Variants in NBEA observed in about 807,000 individuals in gnomAD.
NBEA encodes the protein lysosomal-trafficking regulator 2.
In NBEA, 44 loss-of-function variants were observed where a neutral mutation model predicts 343.4. That is an observed-to-expected ratio of 0.13 (90% CI 0.10 to 0.16). NBEA has a LOEUF of 0.16. NBEA is among the 10% of genes least tolerant of loss of function. NBEA has a pLI of 1.00. For missense variants in NBEA, 2,555 were observed against 3,631.3 expected (o/e 0.70, Z 7.62); for synonymous variants, 1,175 against 1,238.7 (o/e 0.95, Z 1.08).
At chr13:34,949,991 T>C (rs996637143) in intron 1 of NBEA, among the ~76,000 whole-genome samples, 1 of 152,164 alleles carries the variant, frequency 6.6e-6, no homozygotes, top group South Asian at 2.1e-4. Flanking sequence ...AGGACTCTAA[T>C]GTTATAGATT....
chr13:35,070,809 G>A lies in NBEA; in HGVS notation c.1528G>A (p.Asp510Asn), dbSNP rs776917463. The change falls in exon 10 of 59, where the codon GAT becomes AAT. Residue 510 changes from aspartate to asparagine, a missense_variant. Asp to Asn is a conservative substitution (Grantham distance 23). Around this residue, in one of 21 missense-constraint regions of NBEA, gnomAD observed 360 missense variants for 519.1 expected, o/e 0.69. Coordinates refer to ENST00000379939, the MANE Select transcript of NBEA (RefSeq NM_001385012.1). ...GCTTTTTCCACTTTTTGCCCAATTG[G>A]ATAATAGGCAGCTCAATGACAGTCA... ...QVLFPLFAQL[D>N]NRQLNDSQVE... 2.3e-5 allele frequency: 37 copies of A among 1,610,200 alleles called. No homozygotes were observed. Among genetic ancestry groups the A allele is most frequent in the Non-Finnish European group, 3.1e-5 (37 of 1,178,820 alleles).
intron 36 of NBEA, among the ~76,000 whole-genome samples, chr13:35,319,357 T>G (rs960556088): frequency 2.6e-5 from 4 of 152,130 alleles, no homozygotes; most frequent in African/African-American, 9.7e-5. Flanking sequence ...GTTATTTACC[T>G]GGTAGTCATT....
At chr13:35,522,991 A>C (rs186634153) in intron 41 of NBEA, among the ~76,000 whole-genome samples, 1 of 152,326 alleles carries the variant, frequency 6.6e-6, no homozygotes, top group Admixed American at 6.5e-5. Context: ...GTGGAGCTGG[A>C]ATCAACAGGA....
chr13:35,209,754 T>C (rs2073641149), intron 32 of NBEA, among the ~76,000 whole-genome samples: 1 of 152,126 alleles, frequency 6.6e-6, no homozygotes, highest in Admixed American at 6.5e-5. Context: ...GTATCTATCT[T>C]GTTTATCATA....
chr13:35,326,508 A>G (rs1157900656), intron 36 of NBEA, among the ~76,000 whole-genome samples: 3 of 152,000 alleles, frequency 2.0e-5, no homozygotes, highest in Admixed American at 1.3e-4. Context: ...CTTTACTGAC[A>G]TTGTTTATTA....
rs10523765 is a variant in NBEA at position 35,389,970 on chromosome 13, A to AGTGTGTGTGTGTGTGTGT, written c.6179+37664_6179+37681dup. 5.6e-3 allele frequency among the ~76,000 whole-genome samples: 773 copies of AGTGTGTGTGTGTGTGTGT among 138,030 alleles called. 6 individuals carry two copies. The highest frequency in any genetic ancestry group is 0.027 in the East Asian group (123 of 4,570). 90.6% of individuals were successfully genotyped at this position (138,030 alleles called of 152,430 possible). On this transcript the variant is annotated intron_variant, in intron 38 of 58. Coordinates refer to ENST00000379939, the MANE Select transcript of NBEA (RefSeq NM_001385012.1). ...TTTCTATGGTTTATGTCTTTTGTAG[A>AGTGTGTGTGTGTGTGTGT]GTGTGTGTGTGTGTGTGTGTGTGTG... is the stretch of plus-strand genomic sequence containing the variant.
chr13:35,554,862 A>G (rs933645006), intron 43 of NBEA, 125 bp from the exon 44 acceptor site: 4 of 457,110 alleles, frequency 8.8e-6, no homozygotes, highest in African/African-American at 8.0e-5. Context: ...TTTCTAATTC[A>G]TCTAAGAAGG....
intron 10 of NBEA, among the ~76,000 whole-genome samples, chr13:35,087,403 G>A (rs937128421): frequency 6.6e-6 from 1 of 151,832 alleles, no homozygotes; most frequent in South Asian, 2.1e-4. Flanking sequence ...AGTCCAGTCA[G>A]CACAACATTA....
intron 48 of NBEA, among the ~76,000 whole-genome samples, chr13:35,614,292 G>C (rs564575276): frequency 6.6e-6 from 1 of 152,282 alleles, no homozygotes; most frequent in East Asian, 1.9e-4. Context: ...TACAAGGAAT[G>C]ATACTTCATT....
At chr13:35,570,840 A>T (rs2080373014) in intron 45 of NBEA, among the ~76,000 whole-genome samples, 1 of 152,162 alleles carries the variant, frequency 6.6e-6, no homozygotes, top group African/African-American at 2.4e-5. Flanking sequence ...ATGACATTTG[A>T]AGTATAATAA....
chr13:35,445,782 T>TTTTATATATA (rs1163490394), intron 39 of NBEA, among the ~76,000 whole-genome samples: 4 of 113,270 alleles, frequency 3.5e-5, no homozygotes, highest in Admixed American at 2.2e-4. Flanking sequence ...ATATAAATGT[T>TTTTATATATA]TATATATATA....
intron 36 of NBEA, among the ~76,000 whole-genome samples, chr13:35,322,352 G>T (rs143178228): frequency 6.6e-6 from 1 of 152,254 alleles, no homozygotes; most frequent in South Asian, 2.1e-4. Flanking sequence ...CTAGGGTAGG[G>T]AGTTCCCTGA....
intron 10 of NBEA, among the ~76,000 whole-genome samples, chr13:35,082,639 G>A (rs952028459): frequency 6.6e-6 from 1 of 152,078 alleles, no homozygotes; most frequent in African/African-American, 2.4e-5. Context: ...GTCTCATTGT[G>A]GTTTTGATTT....
intron 39 of NBEA, among the ~76,000 whole-genome samples, chr13:35,434,652 T>C (rs915755881): frequency 2.0e-5 from 3 of 152,196 alleles, no homozygotes; most frequent in Non-Finnish European, 2.9e-5. Flanking sequence ...CTATGGACTT[T>C]AGGACTGAGT....
intron 34 of NBEA, among the ~76,000 whole-genome samples, chr13:35,237,584 T>G (rs748430020): frequency 8.5e-5 from 13 of 152,186 alleles, no homozygotes; most frequent in Admixed American, 2.0e-4. Flanking sequence ...GCTTTGAATA[T>G]TTCCATTTAA....
chr13:35,522,433 AC>A lies in NBEA; in HGVS notation c.6586-28043del, dbSNP rs2077761165. ...GAGTGAGCCAAGATCACACCACTGC[AC>A]TCCACACTCCAGCCTGGGCAACAAA... On this transcript the variant is annotated intron_variant, in intron 41 of 58. Transcript: ENST00000379939. 4.6e-5 allele frequency among the ~76,000 whole-genome samples: 6 copies of A among 129,434 alleles called. No homozygotes were observed. In the Middle Eastern group the frequency reaches 0.017, roughly 376 times the overall value. The allele number at this position is 129,434 out of a possible 152,430, so 84.9% of individuals were successfully genotyped here.
intron 40 of NBEA, among the ~76,000 whole-genome samples, chr13:35,471,626 G>C (rs2075652642): frequency 6.6e-6 from 1 of 152,192 alleles, no homozygotes; most frequent in Non-Finnish European, 1.5e-5. Flanking sequence ...AACAGATTGA[G>C]GGAATTCGAA....
At position 35,311,272 on chromosome 13, in the gene NBEA, T is replaced by G. The variant is rs547856153; in HGVS notation, c.5903+1680T>G. 7.0e-4 allele frequency among the ~76,000 whole-genome samples: 106 copies of G among 151,946 alleles called. 1 individual carries two copies. Among genetic ancestry groups the G allele is most frequent in the African/African-American group, 2.4e-3 (100 of 41,518 alleles). On this transcript the variant is annotated intron_variant, in intron 36 of 58. Transcript: ENST00000379939. ...TTGTCATTTAAGTTTTAGAAATAAC[T>G]CTCAATGACATATCCACAATTATTT...
At chr13:35,053,046 T>A (rs1393877460) in intron 6 of NBEA, among the ~76,000 whole-genome samples, 2 of 152,048 alleles carry the variant, frequency 1.3e-5, no homozygotes, top group Non-Finnish European at 2.9e-5. Context: ...ATGAGTGCCT[T>A]TGTCTTAGTT....
Sources: gnomAD v4.1 joint callset for allele counts (sites outside exome capture counted in the v4.1 genomes callset) on GRCh38, gnomAD v4.1.1 for gene constraint, gnomAD v4.1.1 regional missense constraint, MANE v1.5 for transcripts, NCBI Gene and HGNC (gene_info 2026-07-23, HGNC 2026-07-21) for gene names.